Variants in KLHL12 observed in about 807,000 individuals in gnomAD.
The protein encoded by KLHL12 is kelch like family member 12, also known as kelch-like protein 12.
KLHL12 carries 17 observed loss-of-function variants against 60.8 expected under a neutral mutation model. The ratio of observed to expected loss-of-function variants is 0.28; its 90% CI spans 0.19 to 0.42. The LOEUF (loss-of-function observed/expected upper bound fraction) is 0.42. Ranked by LOEUF, KLHL12 falls within the 10% of genes least tolerant of loss-of-function variation. KLHL12 has a pLI of 1.00. For missense variants in KLHL12, 468 were observed against 722.3 expected, an observed-to-expected ratio of 0.65 and a Z score of 4.04; for synonymous variants, 220 against 250.9, an observed-to-expected ratio of 0.88 and a Z score of 1.16.
chr1:202,912,356 G>T, intron 4 of KLHL12: 1 of 794,278 alleles, frequency 1.3e-6, no homozygotes, highest in Non-Finnish European at 2.2e-6. Flanking sequence ...GGAAAGCCCT[G>T]TCAAAGTAAG....
At chr1:202,903,127 T>C (rs926958695) in intron 6 of KLHL12, among the ~76,000 whole-genome samples, 2 of 127,320 alleles carry the variant, frequency 1.6e-5, no homozygotes, top group African/African-American at 6.1e-5. Flanking sequence ...GCCACTGCAC[T>C]CTAGCCTAGG....
Position 202,900,553 on chromosome 1 carries a change from AATAAAATAAAGTAAC to A in KLHL12, c.833-3608_833-3594del, listed in dbSNP as rs1659975743. 2.0e-5 allele frequency among the ~76,000 whole-genome samples: 3 copies of A among 152,076 alleles called. No individual in the cohort carries two copies. The South Asian group carries it at 6.2e-4, about 32-fold the overall frequency. Reference sequence around the variant, plus strand: ...AACAGAGTGAGAACTTGTCTCAAAAAATAAAATAAAGTAACATAAAATAAAGAAGGCTGGGCGTGG... The same window carrying A: ...AACAGAGTGAGAACTTGTCTCAAAAAATAAAATAAAGAAGGCTGGGCGTGG... On this transcript the variant is annotated intron_variant, in intron 6 of 11. Coordinates refer to ENST00000367261, the MANE Select transcript of KLHL12 (RefSeq NM_021633.4).
At chr1:202,913,766 G>A (rs576914558) in intron 4 of KLHL12, among the ~76,000 whole-genome samples, 14 of 152,288 alleles carry the variant, frequency 9.2e-5, no homozygotes, top group Admixed American at 2.0e-4. Context: ...AGAGTACTCC[G>A]AGGCAGACAG....
intron 6 of KLHL12, among the ~76,000 whole-genome samples, chr1:202,901,414 C>T (rs1459735831): frequency 6.6e-6 from 1 of 151,904 alleles, no homozygotes; most frequent in Non-Finnish European, 1.5e-5. Context: ...ACCTCAGCCT[C>T]CTGAGCAGCT....
intron 2 of KLHL12, among the ~76,000 whole-genome samples, chr1:202,920,173 G>T (rs998719220): frequency 1.3e-5 from 2 of 151,740 alleles, no homozygotes; most frequent in Admixed American, 1.3e-4. Context: ...AATTAGTTGG[G>T]CATGGTGGCA....
chr1:202,918,350 A>C lies in KLHL12; in HGVS notation c.388T>G (p.Leu130Val). 1 of 1,614,158 alleles carries C rather than the reference A, an allele frequency of 6.2e-7. No homozygotes were observed. Among genetic ancestry groups the C allele is most frequent in the South Asian group, 1.1e-5 (1 of 91,082 alleles). The stretch of plus-strand genomic sequence containing the variant: ...ATACCCAGGCAATTAGAAGGGTCCA[A>C]CTGACTTTCTAAGAACTCACAGCAG... ...QACCEFLESQ[L>V]DPSNCLGIRD... is the part of the protein sequence containing the mutation. The change falls in exon 4 of 12, where the codon TTG becomes GTG. Residue 130 changes from leucine (L) to valine (V), a missense_variant. This residue lies in a region of KLHL12 where 339 missense variants were observed against 525.0 expected (regional missense o/e 0.65). Transcript: ENST00000367261.
intron 4 of KLHL12, among the ~76,000 whole-genome samples, chr1:202,911,569 A>G (rs546322357): frequency 3.7e-4 from 56 of 152,028 alleles, no homozygotes; most frequent in Non-Finnish European, 4.3e-4. Context: ...GGTCTTCTCT[A>G]TAACTTTAAG....
intron 4 of KLHL12, chr1:202,914,813 C>T (rs1205431373): frequency 2.0e-5 from 3 of 150,138 alleles, no homozygotes; most frequent in Non-Finnish European, 4.4e-5. Context: ...TGCGGTGAGC[C>T]GAGATCGTGC....
chr1:202,918,443 G>A (rs990625381), intron 3 of KLHL12, 55 bp from the exon 4 acceptor site: 2 of 1,344,162 alleles, frequency 1.5e-6, no homozygotes, highest in African/African-American at 2.9e-5. Context: ...GTGTGATCTA[G>A]GATATATTCT....
intron 6 of KLHL12, among the ~76,000 whole-genome samples, chr1:202,906,354 C>G (rs1378332144): frequency 6.9e-6 from 1 of 145,244 alleles, no homozygotes; most frequent in African/African-American, 2.5e-5. Context: ...ACTTGGGAGG[C>G]TGAGGCAGGA....
rs951695987 is a variant in KLHL12, at chr1:202,920,369, ATTTTTTTTT to A, written c.196-470_196-462del. Among the ~76,000 whole-genome samples, 5 of 83,828 alleles carry A rather than the reference ATTTTTTTTT, an allele frequency of 6.0e-5. No homozygotes were observed. The South Asian group carries it at 1.4e-3, about 23-fold the overall frequency. 55.0% of individuals were successfully genotyped at this position (83,828 alleles called of 152,430 possible). On this transcript the variant is annotated intron_variant, in intron 2 of 11. Coordinates refer to ENST00000367261, the MANE Select transcript of KLHL12 (RefSeq NM_021633.4). Reference sequence around the variant, plus strand: ...ATAAAATTATGCTCTATTTTGTTGGATTTTTTTTTTTTTTTTTTTTTTTTTGAGACGGAA... The same window carrying A: ...ATAAAATTATGCTCTATTTTGTTGGATTTTTTTTTTTTTTTTGAGACGGAA...
At chr1:202,897,872 A>C (rs1659890343) in intron 6 of KLHL12, among the ~76,000 whole-genome samples, 1 of 151,156 alleles carries the variant, frequency 6.6e-6, no homozygotes, top group South Asian at 2.1e-4. Flanking sequence ...GCCTGGCCTA[A>C]AATCTCTTTT....
intron 3 of KLHL12, 59 bp downstream of exon 3, chr1:202,919,696 A>AT: frequency 6.7e-7 from 1 of 1,501,742 alleles, no homozygotes; most frequent in Admixed American, 2.2e-5. Context: ...TACACTATTA[A>AT]TTTTCAACCT....
Position 202,893,313 on chromosome 1 carries a change from A to G in KLHL12, c.1506T>C (p.Thr502=), listed in dbSNP as rs553763426. 7.4e-6 allele frequency: 12 copies of G among 1,613,780 alleles called. No individual in the cohort carries two copies. The South Asian group carries it at 9.9e-5, about 13-fold the overall frequency. ...ATCGTGGAGTGGTCATACTGGTGAC[A>G]GTTGTCCAGGAATCAGTGCGAATGT... is the stretch of plus-strand genomic sequence containing the variant. ...AYNIRTDSWT[T]VTSMTTPRCY... The change falls in exon 11 of 12, where the codon ACT becomes ACC. Residue 502 remains threonine (T), a synonymous_variant. Coordinates refer to ENST00000367261, the MANE Select transcript of KLHL12 (RefSeq NM_021633.4). The surrounding 1 kb of genome is among the most constrained non-coding windows in gnomAD (Gnocchi z 4.1).
intron 5 of KLHL12, 111 bp downstream of exon 5, chr1:202,910,943 G>A (rs1283901508): frequency 7.3e-6 from 9 of 1,236,880 alleles, no homozygotes; most frequent in Non-Finnish European, 1.0e-5. Flanking sequence ...CATTCCTAGA[G>A]AGGCAAAACA....
Position 202,912,286 on chromosome 1 carries a change from CTG to C in KLHL12, c.568-1085_568-1084del, listed in dbSNP as rs1660386484. 60 of 887,706 alleles carry C rather than the reference CTG, an allele frequency of 6.8e-5. 2 individuals carry two copies. In the South Asian group the frequency reaches 7.5e-4, roughly 11 times the overall value. 55.0% of individuals were successfully genotyped at this position (887,706 alleles called of 1,614,324 possible). A position where few individuals can be genotyped will look rare whatever the true frequency, so the allele number is the denominator to read the frequency against. On this transcript the variant is annotated intron_variant, in intron 4 of 11. Transcript: ENST00000367261. ...TTTGTAACCTTTGATGACCATGACTCTGTGAATAAGACTGCCATTCAGAAATA... is the reference window on the plus strand; with the variant it reads ...TTTGTAACCTTTGATGACCATGACTCTGAATAAGACTGCCATTCAGAAATA...
In KLHL12 at chr1:202,916,259, C is replaced by T. The variant is rs187258543; in HGVS notation, c.567+1912G>A. On this transcript the variant is annotated intron_variant, in intron 4 of 11. Coordinates refer to ENST00000367261, the MANE Select transcript of KLHL12 (RefSeq NM_021633.4). Reference sequence around the variant, plus strand: ...TATGTCAGGCTGGAAAATAATTCCTCTACAGTTGGAACCAATGTGACCAAT... The same window carrying T: ...TATGTCAGGCTGGAAAATAATTCCTTTACAGTTGGAACCAATGTGACCAAT... Among the ~76,000 whole-genome samples, 22 of 152,364 alleles carry T rather than the reference C, an allele frequency of 1.4e-4. No homozygotes were observed. The East Asian group carries it at 4.0e-3, about 28-fold the overall frequency.
chr1:202,927,366 G>C (rs992247042), upstream of KLHL12: 5 of 725,464 alleles, frequency 6.9e-6, no homozygotes, highest in African/African-American at 7.7e-5. Flanking sequence ...GCTTCTGTAC[G>C]CTGCTAGGAA....
chr1:202,927,383 T>G, upstream of KLHL12: 2 of 594,478 alleles, frequency 3.4e-6, no homozygotes, highest in Non-Finnish European at 4.2e-6. Flanking sequence ...GGAAGCCGAA[T>G]TACAAAAAGG....
Sources: gnomAD v4.1 joint callset for allele counts (sites outside exome capture counted in the v4.1 genomes callset) on GRCh38, gnomAD v4.1.1 for gene constraint, gnomAD v4.1.1 regional missense constraint, Gnocchi (gnomAD v3.1) non-coding constraint, MANE v1.5 for transcripts, NCBI Gene and HGNC (gene_info 2026-07-23, HGNC 2026-07-21) for gene names.